Variants in MKRN2 observed in about 807,000 individuals in gnomAD.
MKRN2 encodes makorin ring finger protein 2, also known as E3 ubiquitin-protein ligase makorin-2.
Under a neutral mutation model 45.4 loss-of-function variants are expected in MKRN2, and 32 were observed. The ratio of observed to expected loss-of-function variants is 0.70; its 90% CI spans 0.53 to 0.95. MKRN2 has a LOEUF of 0.95. MKRN2 is among the 40% of genes least tolerant of loss of function. MKRN2 has a pLI of 0.00. For synonymous variants in MKRN2, 206 were observed against 192.4 expected (o/e 1.07, Z -0.59); for missense variants, 526 against 536.7 (o/e 0.98, Z 0.20).
chr3:12,568,506 G>C (rs1459219872), intron 1 of MKRN2, among the ~76,000 whole-genome samples: 2 of 152,222 alleles, frequency 1.3e-5, no homozygotes, highest in Non-Finnish European at 2.9e-5. Flanking sequence ...CTTGAGCCCA[G>C]ATCTTCTGGT....
rs563560954 is a variant in MKRN2 at position 12,582,968 on chromosome 3, T to C, written c.*715T>C. 3 of 152,266 alleles carry C rather than the reference T, an allele frequency of 2.0e-5. No individual in the cohort carries two copies. The highest frequency in any genetic ancestry group is 4.4e-5 in the Non-Finnish European group (3 of 68,068). 9.4% of individuals were successfully genotyped at this position (152,266 alleles called of 1,614,324 possible). A position where few individuals can be genotyped will look rare whatever the true frequency, so the allele number is the denominator to read the frequency against. ...ACTGGGTAGCAGTCTGGCCCTCCTG[T>C]CGTCTGGTTGGTGTTGGGGCCTCCA... is the stretch of plus-strand genomic sequence containing the variant. On this transcript the variant is annotated 3_prime_UTR_variant, in exon 8 of 8. Transcript: ENST00000170447.
rs1470940163 is a variant in MKRN2 at position 12,583,615 on chromosome 3, A to AATTT, written c.*1367_*1370dup. On this transcript the variant is annotated 3_prime_UTR_variant, in exon 8 of 8. Coordinates refer to ENST00000170447, the MANE Select transcript of MKRN2 (RefSeq NM_014160.5). The stretch of plus-strand genomic sequence containing the variant: ...ACAGCCAGCCATTACACCTAAATTT[A>AATTT]ATTTATTTTATTAAAATAACATAAT... 8.6e-6 allele frequency: 2 copies of AATTT among 231,688 alleles called. No homozygotes were observed. The highest frequency in any genetic ancestry group is 6.1e-5 in the East Asian group (1 of 16,334). 14.4% of individuals were successfully genotyped at this position (231,688 alleles called of 1,614,324 possible). A position where few individuals can be genotyped will look rare whatever the true frequency, so the allele number is the denominator to read the frequency against.
chr3:12,578,312 CT>C (rs71063833), intron 6 of MKRN2, among the ~76,000 whole-genome samples: 1,893 of 71,702 alleles, frequency 0.026, 9 homozygotes, highest in African/African-American at 0.051. Flanking sequence ...AGAGCTACTT[CT>C]TTTTTTTTTT....
Position 12,574,900 on chromosome 3 carries a change from G to A in MKRN2, c.751G>A (p.Ala251Thr). ...CMEVILEKAS[A>T]SERRFGILSN... ...GGAAGTGATCCTGGAGAAGGCCTCT[G>A]CTTCTGAGAGGAGATTTGGGATTCT... Residue 251 changes from alanine to threonine, a missense_variant, in exon 5 of 8, where the codon GCT becomes ACT. By Grantham distance (58) the Ala-to-Thr change is moderately conservative (BLOSUM62 0). Transcript: ENST00000170447. 2 of 1,614,214 alleles carry A rather than the reference G, an allele frequency of 1.2e-6. No individual in the cohort carries two copies. Among genetic ancestry groups the A allele is most frequent in the Non-Finnish European group, 1.7e-6 (2 of 1,179,996 alleles).
intron 6 of MKRN2, 56 bp downstream of exon 6, chr3:12,576,797 C>G: frequency 7.8e-7 from 1 of 1,286,592 alleles, no homozygotes; most frequent in Non-Finnish European, 1.1e-6. Context: ...CTGCTGTCAG[C>G]CCGTGTCCTC....
intron 3 of MKRN2, 84 bp from the exon 4 acceptor site, chr3:12,571,985 G>T (rs1410900269): frequency 1.5e-6 from 2 of 1,371,602 alleles, no homozygotes; most frequent in Non-Finnish European, 1.9e-6. Context: ...GGTCAGAGTA[G>T]CTTAATATGT....
intron 4 of MKRN2, among the ~76,000 whole-genome samples, chr3:12,573,486 A>G (rs1223032731): frequency 6.6e-6 from 1 of 151,792 alleles, no homozygotes; most frequent in African/African-American, 2.4e-5. Flanking sequence ...GTGAGCCAAG[A>G]TTGTGCCACT....
chr3:12,562,598 CA>C (rs2058045281), intron 1 of MKRN2, among the ~76,000 whole-genome samples: 1 of 152,044 alleles, frequency 6.6e-6, no homozygotes, highest in Non-Finnish European at 1.5e-5. Context: ...TTTTAGGAAC[CA>C]GGCCACACAG....
intron 1 of MKRN2, among the ~76,000 whole-genome samples, chr3:12,565,702 AT>A (rs2058065471): frequency 6.6e-6 from 1 of 151,500 alleles, no homozygotes; most frequent in African/African-American, 2.4e-5. Flanking sequence ...TGCCTGGCTA[AT>A]TTTTTGTATA....
chr3:12,568,836 G>A (rs913386057), intron 1 of MKRN2, 39 bp from the exon 2 acceptor site: 2 of 1,597,896 alleles, frequency 1.3e-6, no homozygotes, highest in African/African-American at 1.3e-5. Flanking sequence ...AAAGCAAAAT[G>A]TGCTTCTAAA....
At chr3:12,571,440 C>T (rs547331955) in intron 3 of MKRN2, among the ~76,000 whole-genome samples, 159 of 152,270 alleles carry the variant, frequency 1.0e-3, no homozygotes, top group African/African-American at 2.8e-3. Context: ...TGGTCCTCAC[C>T]AGGTGAAGAG....
At position 12,582,510 on chromosome 3, in the gene MKRN2, A is replaced by G. The variant is rs1401138948; in HGVS notation, c.*257A>G. 1.5e-5 allele frequency: 6 copies of G among 392,526 alleles called. No individual in the cohort carries two copies. The highest frequency in any genetic ancestry group is 2.7e-5 in the Non-Finnish European group (6 of 218,818). 24.3% of individuals were successfully genotyped at this position (392,526 alleles called of 1,614,324 possible). A position where few individuals can be genotyped will look rare whatever the true frequency, so the allele number is the denominator to read the frequency against. On this transcript the variant is annotated 3_prime_UTR_variant, in exon 8 of 8. Coordinates refer to ENST00000170447, the MANE Select transcript of MKRN2 (RefSeq NM_014160.5). ...TTACACCTCAAGCCCCTCAGGGGTAACAACTAACAAACACCCAAACTGTTT... is the reference window on the plus strand; with the variant it reads ...TTACACCTCAAGCCCCTCAGGGGTAGCAACTAACAAACACCCAAACTGTTT...
In MKRN2 at chr3:12,568,876, T is replaced by C. The variant is rs1335955935; in HGVS notation, c.28T>C (p.Tyr10His). MSTKQITCRYFMHGVCREGS... is the reference protein window; with the variant it reads MSTKQITCRHFMHGVCREGS... ...GTATGCCTGTGCTTGTCTCTGCAGG[T>C]ATTTTATGCATGGTGTGTGTCGGGA... Residue 10 changes from tyrosine (Y) to histidine (H), a missense_variant and splice_region_variant, in exon 2 of 8, where the codon TAT (tyrosine) becomes CAT (histidine). Transcript: ENST00000170447. The C allele has an allele frequency of 6.2e-7, 1 of 1,612,076 alleles. No individual in the cohort carries two copies.
intron 6 of MKRN2, among the ~76,000 whole-genome samples, chr3:12,578,449 G>T (rs997374673): frequency 6.6e-6 from 1 of 151,364 alleles, no homozygotes; most frequent in Non-Finnish European, 1.5e-5. Flanking sequence ...TCCCAAGAAG[G>T]TGGGACTACA....
At chr3:12,582,094 T>G in intron 7 of MKRN2, 22 bp from the exon 8 acceptor site, 1 of 1,614,170 alleles carries the variant, frequency 6.2e-7, no homozygotes, top group Non-Finnish European at 8.5e-7. Context: ...TAACCAGGCA[T>G]GTCCACTGGC....
chr3:12,580,948 T>C (rs1373221859), intron 6 of MKRN2, among the ~76,000 whole-genome samples: 2 of 152,158 alleles, frequency 1.3e-5, no homozygotes, highest in Non-Finnish European at 2.9e-5. Flanking sequence ...TGGCTTTATT[T>C]CTGTGACTTT....
intron 1 of MKRN2, among the ~76,000 whole-genome samples, chr3:12,562,686 T>C (rs1429330981): frequency 1.3e-5 from 2 of 152,110 alleles, no homozygotes. Context: ...CATTACCACC[T>C]GAGCTCCACC....
rs2058189530 is a variant in MKRN2 at position 12,582,391 on chromosome 3, A to G, written c.*138A>G. 7.7e-6 allele frequency: 8 copies of G among 1,045,494 alleles called. No individual in the cohort carries two copies. Among genetic ancestry groups the G allele is most frequent in the Non-Finnish European group, 9.8e-6 (7 of 712,206 alleles). 64.8% of individuals were successfully genotyped at this position (1,045,494 alleles called of 1,614,324 possible). A position where few individuals can be genotyped will look rare whatever the true frequency, so the allele number is the denominator to read the frequency against. Reference sequence around the variant, plus strand: ...TGGAGTTGGGCTTAGCCTTAGTCTCATTCAATCTCCATTATTACAGCCATG... The same window carrying G: ...TGGAGTTGGGCTTAGCCTTAGTCTCGTTCAATCTCCATTATTACAGCCATG... On this transcript the variant is annotated 3_prime_UTR_variant, in exon 8 of 8. Coordinates refer to ENST00000170447, the MANE Select transcript of MKRN2 (RefSeq NM_014160.5).
Position 12,581,817 on chromosome 3 carries a change from C to T in MKRN2, c.978C>T (p.Ala326=). 2 of 1,614,076 alleles carry T rather than the reference C, an allele frequency of 1.2e-6. No homozygotes were observed. Among genetic ancestry groups the T allele is most frequent in the Non-Finnish European group, 1.7e-6 (2 of 1,180,002 alleles). The change falls in exon 7 of 8, where the codon GCC becomes GCT. Residue 326 remains alanine (A), a synonymous_variant. Transcript: ENST00000170447. The stretch of plus-strand genomic sequence containing the variant: ...TCTTTCTGCTTTTCAGGAAAAAAGC[C>T]TGTAAATACTTTGAGCAAGGCAAGG... ...EAFKQGMGKK[A]CKYFEQGKGT...
Sources: gnomAD v4.1 joint callset for allele counts (sites outside exome capture counted in the v4.1 genomes callset) on GRCh38, gnomAD v4.1.1 for gene constraint, MANE v1.5 for transcripts, NCBI Gene and HGNC (gene_info 2026-07-23, HGNC 2026-07-21) for gene names.